Variants in GRM7 observed in about 807,000 individuals in gnomAD.
GRM7 encodes the protein metabotropic glutamate receptor 7.
A neutral mutation model predicts 84.5 loss-of-function variants in GRM7; 35 were observed. The observed-to-expected ratio is 0.41, with a 90% confidence interval of 0.32 to 0.55. The LOEUF (loss-of-function observed/expected upper bound fraction) is 0.55, where lower values mean the gene tolerates loss of function less well. GRM7 is among the 20% of genes least tolerant of loss of function. The pLI is 0.19. For synonymous variants in GRM7, 487 were observed against 455.1 expected (o/e 1.07, Z -0.89); for missense variants, 1,003 against 1,194.6 (o/e 0.84, Z 2.36).
At chr3:7,425,453 G>A (rs985971258) in intron 5 of GRM7, among the ~76,000 whole-genome samples, 1 of 152,074 alleles carries the variant, frequency 6.6e-6, no homozygotes, top group East Asian at 1.9e-4. Context: ...CATTTGCTTG[G>A]GACCTTCTGT....
intron 4 of GRM7, among the ~76,000 whole-genome samples, chr3:7,385,957 A>G (rs1399503771): frequency 2.6e-5 from 4 of 152,234 alleles, no homozygotes; most frequent in Admixed American, 1.3e-4. Context: ...AGTGTTGACC[A>G]AGAGATGCAA....
intron 1 of GRM7, among the ~76,000 whole-genome samples, chr3:6,979,182 C>T (rs983656290): frequency 1.3e-5 from 2 of 152,132 alleles, no homozygotes; most frequent in African/African-American, 4.8e-5. Context: ...TCCACGAATT[C>T]TCTCTTTTCA....
intron 1 of GRM7, among the ~76,000 whole-genome samples, chr3:6,999,798 G>A (rs1694947537): frequency 6.6e-6 from 1 of 152,112 alleles, no homozygotes; most frequent in African/African-American, 2.4e-5. Context: ...ACAGCATGGA[G>A]GTAACTGACC....
At chr3:7,118,306 C>T (rs550571557) in intron 1 of GRM7, among the ~76,000 whole-genome samples, 2 of 151,860 alleles carry the variant, frequency 1.3e-5, no homozygotes, top group South Asian at 4.2e-4. Flanking sequence ...TAGGAAGATC[C>T]TTTTGCCTGG....
At chr3:7,052,387 T>C (rs368951325) in intron 1 of GRM7, among the ~76,000 whole-genome samples, 2 of 151,800 alleles carry the variant, frequency 1.3e-5, no homozygotes, top group African/African-American at 4.8e-5. Context: ...TCTTCTGTTT[T>C]TGTTAGTTTA....
At chr3:7,690,297 G>C (rs916053524) in intron 9 of GRM7, among the ~76,000 whole-genome samples, 7 of 152,144 alleles carry the variant, frequency 4.6e-5, no homozygotes, top group African/African-American at 1.4e-4. Context: ...TGCTTGGAAT[G>C]AGTAGCGCAC....
At chr3:7,420,191 G>A (rs61380432) in intron 5 of GRM7, among the ~76,000 whole-genome samples, 5,664 of 152,110 alleles carry the variant, frequency 0.037, 362 homozygotes, top group African/African-American at 0.13. Context: ...TATATAATTC[G>A]TTAACAAGAC....
At chr3:6,999,914 A>G (rs1694951180) in intron 1 of GRM7, among the ~76,000 whole-genome samples, 1 of 152,212 alleles carries the variant, frequency 6.6e-6, no homozygotes, top group Non-Finnish European at 1.5e-5. Flanking sequence ...AATCATATCA[A>G]TATTTTAGTA....
chr3:7,693,546 T>G lies in GRM7; in HGVS notation c.2698+13251T>G, dbSNP rs76271390. The G allele has an allele frequency of 7.3e-3, 5,911 of 807,754 alleles. 141 individuals carry two copies. Among genetic ancestry groups the G allele is most frequent in the African/African-American group, 0.054 (3,217 of 59,340 alleles). 50.0% of individuals were successfully genotyped at this position (807,754 alleles called of 1,614,324 possible). A position where few individuals can be genotyped will look rare whatever the true frequency, so the allele number is the denominator to read the frequency against. ...ACCTTAATTCCTCTTTCCCTCATTT[T>G]TGTCATGTTTGCAAATTTCATTTGC... On this transcript the variant is annotated intron_variant, in intron 9 of 9. Transcript: ENST00000357716.
chr3:7,026,278 C>T lies in GRM7; in HGVS notation c.520-120174C>T, dbSNP rs571018638. ...TACAAGTTGTCCAGCACCCTGTGGG[C>T]ACTAGGACCAGTAGTAAGGATTCTG... On this transcript the variant is annotated intron_variant, in intron 1 of 9. Coordinates refer to ENST00000357716, the MANE Select transcript of GRM7 (RefSeq NM_000844.4). Among the ~76,000 whole-genome samples the T allele has an allele frequency of 3.9e-3, 589 of 152,292 alleles. 3 individuals are homozygous for T. The highest frequency in any genetic ancestry group is 5.6e-3 in the Non-Finnish European group (379 of 68,026).
intron 1 of GRM7, among the ~76,000 whole-genome samples, chr3:6,898,357 C>A (rs746294260): frequency 1.5e-5 from 2 of 135,284 alleles, no homozygotes; most frequent in African/African-American, 5.7e-5. Flanking sequence ...AGACCAAGGA[C>A]GAAAGAGTGT....
intron 4 of GRM7, among the ~76,000 whole-genome samples, chr3:7,319,567 G>A (rs1193473584): frequency 6.6e-6 from 1 of 151,972 alleles, no homozygotes; most frequent in East Asian, 1.9e-4. Context: ...GTGGAGTAGA[G>A]AATTTATCTT....
intron 1 of GRM7, among the ~76,000 whole-genome samples, chr3:6,954,475 T>G (rs940016942): frequency 6.6e-6 from 1 of 152,184 alleles, no homozygotes; most frequent in East Asian, 1.9e-4. Context: ...CCTTCTGACA[T>G]ATCCCTAAAA....
At chr3:7,083,190 C>T (rs976943951) in intron 1 of GRM7, among the ~76,000 whole-genome samples, 10 of 152,078 alleles carry the variant, frequency 6.6e-5, no homozygotes, top group African/African-American at 2.4e-4. Flanking sequence ...GTTTAGGAAA[C>T]CAGCACTACC....
intron 1 of GRM7, among the ~76,000 whole-genome samples, chr3:6,878,415 G>GTGTA (rs1491067340): frequency 6.8e-6 from 1 of 146,546 alleles, no homozygotes; most frequent in Non-Finnish European, 1.5e-5. Flanking sequence ...GTGTGTGTGT[G>GTGTA]TAGTATTTTT....
intron 1 of GRM7, among the ~76,000 whole-genome samples, chr3:6,965,502 T>C (rs1693480475): frequency 6.6e-6 from 1 of 151,914 alleles, no homozygotes; most frequent in Admixed American, 6.6e-5. Flanking sequence ...AATTTTTTTA[T>C]GTTTTTATTT....
At chr3:6,886,151 C>T (rs984986836) in intron 1 of GRM7, among the ~76,000 whole-genome samples, 1 of 151,950 alleles carries the variant, frequency 6.6e-6, no homozygotes, top group African/African-American at 2.4e-5. Context: ...GATTTTCTCT[C>T]TTGGCAAATT....
intron 2 of GRM7, chr3:7,298,480 G>T: frequency 1.9e-6 from 1 of 518,242 alleles, no homozygotes; most frequent in Non-Finnish European, 3.4e-6. Flanking sequence ...TAAAGAGGAT[G>T]TCGTGTAATA....
At position 7,074,439 on chromosome 3, in the gene GRM7, G is replaced by A. The variant is rs1697992133; in HGVS notation, c.520-72013G>A. Among the ~76,000 whole-genome samples, 2 of 152,110 alleles carry A rather than the reference G, an allele frequency of 1.3e-5. 1 individual carries two copies. The highest frequency in any genetic ancestry group is 4.1e-4 in the South Asian group (2 of 4,822). ...TCTCAGAAGACGTGTGGTATAGAAG[G>A]GCATTACTTAAAGTGTGGTCCATGA... On this transcript the variant is annotated intron_variant, in intron 1 of 9. Coordinates refer to ENST00000357716, the MANE Select transcript of GRM7 (RefSeq NM_000844.4).
Sources: allele counts gnomAD v4.1 joint callset (sites outside exome capture counted in the v4.1 genomes callset), GRCh38; gene constraint gnomAD v4.1.1; transcripts MANE v1.5; gene names NCBI Gene and HGNC (gene_info 2026-07-23, HGNC 2026-07-21).